The following PLA2G4A variants were observed in gnomAD, a reference collection of about 807,000 sequenced individuals.
PLA2G4A encodes the protein cytosolic phospholipase A2.
In PLA2G4A, 40 loss-of-function variants were observed where a neutral mutation model predicts 81.9. The ratio of observed to expected loss-of-function variants is 0.49; its 90% confidence interval spans 0.38 to 0.64. PLA2G4A has a LOEUF of 0.64. Among genes scored for constraint, PLA2G4A ranks in the 30% least tolerant of loss-of-function variants. The pLI is 0.00. For missense variants in PLA2G4A, 715 were observed against 905.1 expected, an observed-to-expected ratio of 0.79 and a Z score of 2.69; for synonymous variants, 302 against 296.9, an observed-to-expected ratio of 1.02 and a Z score of -0.18.
rs542890862 is a variant in PLA2G4A at position 186,983,083 on chromosome 1, CAA to C, written c.2118+3626_2118+3627del. ...TGGGTGACAGAGCAAGAGTCTGTCT[CAA>C]AAAAAAAAAAAAAAGAAAAGAAAAG... On this transcript the variant is annotated intron_variant, in intron 17 of 17. Transcript: ENST00000367466. Among the ~76,000 whole-genome samples, 38 of 99,018 alleles carry C rather than the reference CAA, an allele frequency of 3.8e-4. 1 individual carries two copies. The highest frequency in any genetic ancestry group is 9.2e-4 in the East Asian group (3 of 3,278). The allele number at this position is 99,018 out of a possible 152,430, so 65.0% of individuals were successfully genotyped here.
chr1:186,837,641 G>C (rs1651829892), intron 1 of PLA2G4A, among the ~76,000 whole-genome samples: 1 of 148,518 alleles, frequency 6.7e-6, no homozygotes, highest in Non-Finnish European at 1.5e-5. Flanking sequence ...GAAGGCTGAG[G>C]CAGGAGAATG....
intron 14 of PLA2G4A, among the ~76,000 whole-genome samples, chr1:186,962,239 A>G (rs1430155259): frequency 6.6e-6 from 1 of 152,044 alleles, no homozygotes; most frequent in Non-Finnish European, 1.5e-5. Context: ...TTTATAGATT[A>G]ACCTGTATCA....
At chr1:186,881,209 C>A (rs535029536) in intron 3 of PLA2G4A, among the ~76,000 whole-genome samples, 1 of 152,084 alleles carries the variant, frequency 6.6e-6, no homozygotes, top group African/African-American at 2.4e-5. Flanking sequence ...TTAGAAAGCA[C>A]TATTATACAT....
At chr1:186,955,424 C>A (rs549274917) in intron 13 of PLA2G4A, among the ~76,000 whole-genome samples, 1 of 152,056 alleles carries the variant, frequency 6.6e-6, no homozygotes, top group South Asian at 2.1e-4. Context: ...GAATTAACCA[C>A]TGGATTTTCT....
At chr1:186,953,207 G>A (rs1656625204) in intron 13 of PLA2G4A, among the ~76,000 whole-genome samples, 1 of 152,110 alleles carries the variant, frequency 6.6e-6, no homozygotes, top group Non-Finnish European at 1.5e-5. Context: ...AGTTCTTGTT[G>A]CTCCACATCT....
chr1:186,968,400 A>ATGTGTGTGTGTGTGTGTGTGTGTG (rs58475951), intron 15 of PLA2G4A, among the ~76,000 whole-genome samples: 18 of 137,498 alleles, frequency 1.3e-4, no homozygotes, highest in East Asian at 8.5e-4. Flanking sequence ...CGCGGTGTGT[A>ATGTGTGTGTGTGTGTGTGTGTGTG]TGTGTGTGTG....
At chr1:186,837,595 G>C (rs1651827644) in intron 1 of PLA2G4A, among the ~76,000 whole-genome samples, 1 of 150,820 alleles carries the variant, frequency 6.6e-6, no homozygotes, top group African/African-American at 2.4e-5. Flanking sequence ...AAATTAGCCG[G>C]GCGTGGTGGC....
chr1:186,910,439 T>C (rs934097835), intron 6 of PLA2G4A, among the ~76,000 whole-genome samples: 1 of 152,284 alleles, frequency 6.6e-6, no homozygotes, highest in Admixed American at 6.5e-5. Flanking sequence ...TTAAGATATG[T>C]CTTATATGTT....
intron 7 of PLA2G4A, among the ~76,000 whole-genome samples, chr1:186,927,467 T>C (rs993603672): frequency 2.6e-5 from 4 of 152,228 alleles, no homozygotes; most frequent in African/African-American, 9.6e-5. Flanking sequence ...AATGAAATGT[T>C]ACTATCCAGT....
chr1:186,906,965 G>A lies in PLA2G4A; in HGVS notation c.379G>A (p.Val127Ile). 1 of 1,479,498 alleles carries A rather than the reference G, an allele frequency of 6.8e-7. No individual in the cohort carries two copies. The highest frequency in any genetic ancestry group is 9.4e-7 in the Non-Finnish European group (1 of 1,058,778). 91.6% of individuals were successfully genotyped at this position (1,479,498 alleles called of 1,614,324 possible). The change falls in exon 6 of 18, where the codon GTC becomes ATC. Residue 127 changes from valine to isoleucine, a missense_variant and splice_region_variant. Val to Ile is a conservative substitution (Grantham distance 29). Transcript: ENST00000367466. ...KKEVPFIFNQVTEMVLEMSLE... is the reference protein window; with the variant it reads ...KKEVPFIFNQITEMVLEMSLE... The stretch of plus-strand genomic sequence containing the variant: ...ATCTGATTAACATGTCTTTTTTTAG[G>A]TCACTGAAATGGTTCTAGAAATGTC...
intron 1 of PLA2G4A, among the ~76,000 whole-genome samples, chr1:186,834,285 C>A (rs1295599242): frequency 6.6e-6 from 1 of 151,488 alleles, no homozygotes; most frequent in Non-Finnish European, 1.5e-5. Flanking sequence ...TGGTTATGAA[C>A]TTTGTTTATT....
chr1:186,900,518 A>G (rs1654497696), intron 5 of PLA2G4A, among the ~76,000 whole-genome samples: 1 of 152,188 alleles, frequency 6.6e-6, no homozygotes, highest in Non-Finnish European at 1.5e-5. Context: ...TTTAAATACT[A>G]AATGTAGAGC....
intron 3 of PLA2G4A, among the ~76,000 whole-genome samples, chr1:186,890,738 CA>C (rs1238826883): frequency 6.6e-6 from 1 of 151,678 alleles, no homozygotes; most frequent in African/African-American, 2.4e-5. Context: ...CCTGTAATCC[CA>C]GCTACTCTGG....
intron 5 of PLA2G4A, among the ~76,000 whole-genome samples, chr1:186,903,725 G>C (rs978364354): frequency 6.6e-6 from 1 of 152,160 alleles, no homozygotes. Flanking sequence ...CTTAGTTGCA[G>C]GAAACAAGCT....
At position 186,939,989 on chromosome 1, in the gene PLA2G4A, AC is replaced by A; in HGVS notation, c.929del (p.Thr310IlefsTer3). ...GETLIHNRMNTTLSSLKEKVN... is the reference protein window; with the variant it reads ...GETLIHNRMNXTLSSLKEKVN... ...TTTCTTCTGTGGACAGAGAATGAAT[AC>A]TACTCTGAGCAGTTTGAAGGAAAAA... is the stretch of plus-strand genomic sequence containing the variant. On this transcript the variant is annotated frameshift_variant, in exon 10 of 18. Coordinates refer to ENST00000367466, the MANE Select transcript of PLA2G4A (RefSeq NM_024420.3). LOFTEE classifies it high-confidence loss of function. 6.8e-7 allele frequency: 1 copy of A among 1,477,926 alleles called. No homozygotes were observed. Among genetic ancestry groups the A allele is most frequent in the Non-Finnish European group, 9.5e-7 (1 of 1,055,606 alleles). 91.6% of individuals were successfully genotyped at this position (1,477,926 alleles called of 1,614,324 possible).
intron 5 of PLA2G4A, among the ~76,000 whole-genome samples, chr1:186,905,208 C>T: frequency 6.6e-6 from 1 of 152,068 alleles, no homozygotes; most frequent in Non-Finnish European, 1.5e-5. Context: ...GCTGGGAAAC[C>T]AGCATTTTCT....
At chr1:186,863,761 A>AATTTT (rs576975261) in intron 2 of PLA2G4A, among the ~76,000 whole-genome samples, 2 of 78,174 alleles carry the variant, frequency 2.6e-5, no homozygotes, top group African/African-American at 4.5e-5. Flanking sequence ...CAAATATATA[A>AATTTT]TTTTTTTTTT....
chr1:186,969,332 T>A (rs1306421913), intron 15 of PLA2G4A, among the ~76,000 whole-genome samples: 2 of 151,818 alleles, frequency 1.3e-5, no homozygotes, highest in African/African-American at 2.4e-5. Flanking sequence ...TTTGATACAA[T>A]CATATGTGGA....
At position 186,888,190 on chromosome 1, in the gene PLA2G4A, A is replaced by AT. The variant is rs1275764346; in HGVS notation, c.116-4815dup. Among the ~76,000 whole-genome samples the AT allele has an allele frequency of 3.3e-5, 5 of 152,326 alleles. No individual in the cohort carries two copies. The East Asian group carries it at 9.6e-4, about 29-fold the overall frequency. On this transcript the variant is annotated intron_variant, in intron 3 of 17. Coordinates refer to ENST00000367466, the MANE Select transcript of PLA2G4A (RefSeq NM_024420.3). The stretch of plus-strand genomic sequence containing the variant: ...ATGACAGCTATTAAACTGGATTCTG[A>AT]TTTTTTAAACAAAGTCTGTGGATGT...
Sources: allele counts gnomAD v4.1 joint callset (sites outside exome capture counted in the v4.1 genomes callset), GRCh38; gene constraint gnomAD v4.1.1; transcripts MANE v1.5; gene names NCBI Gene and HGNC (gene_info 2026-07-23, HGNC 2026-07-21).